The following PSD3 variants were observed in gnomAD, a reference collection of about 807,000 sequenced individuals.
PSD3 encodes the protein PH and SEC7 domain-containing protein 3.
A neutral mutation model predicts 105.5 loss-of-function variants in PSD3; 49 were observed. The ratio of observed to expected loss-of-function variants is 0.46; its 90% CI spans 0.37 to 0.59. PSD3 has a LOEUF of 0.59. Ranked by LOEUF, PSD3 falls within the 20% of genes least tolerant of loss-of-function variation. The pLI is 0.00. For synonymous variants in PSD3, 557 were observed against 457.8 expected, an observed-to-expected ratio of 1.22 and a Z score of -2.77; for missense variants, 1,561 against 1,263.8, an observed-to-expected ratio of 1.24 and a Z score of -3.57.
At chr8:18,903,703 C>T (rs1819657641) in intron 2 of PSD3, among the ~76,000 whole-genome samples, 2 of 152,190 alleles carry the variant, frequency 1.3e-5, no homozygotes, top group Admixed American at 1.3e-4. Context: ...CAGCTCAGGC[C>T]TGGGGGCCTT....
At chr8:18,632,848 A>G (rs764681673) in intron 10 of PSD3, 42 bp from the exon 11 acceptor site, 1 of 1,403,954 alleles carries the variant, frequency 7.1e-7, no homozygotes, top group East Asian at 2.4e-5. Flanking sequence ...AGCACCTATC[A>G]TAATATTCAA....
At chr8:19,002,264 A>C (rs1369396632) in intron 1 of PSD3, among the ~76,000 whole-genome samples, 1 of 152,002 alleles carries the variant, frequency 6.6e-6, no homozygotes, top group Non-Finnish European at 1.5e-5. Flanking sequence ...AAAGACCTCC[A>C]AGGAAGGAAG....
chr8:18,710,828 C>G (rs914717850), intron 9 of PSD3, among the ~76,000 whole-genome samples: 3 of 151,986 alleles, frequency 2.0e-5, no homozygotes, highest in Non-Finnish European at 2.9e-5. Context: ...ATTACAGGTG[C>G]CTGCCACCAC....
At chr8:18,704,375 T>A (rs1300624790) in intron 9 of PSD3, among the ~76,000 whole-genome samples, 2 of 152,204 alleles carry the variant, frequency 1.3e-5, no homozygotes, top group Non-Finnish European at 2.9e-5. Flanking sequence ...AGAGTCTCTG[T>A]CGCACAGGCT....
intron 4 of PSD3, among the ~76,000 whole-genome samples, chr8:18,840,446 G>C (rs1355054573): frequency 3.3e-5 from 5 of 152,232 alleles, no homozygotes; most frequent in Non-Finnish European, 5.9e-5. Flanking sequence ...TCTATCATGA[G>C]CTTTCATTTG....
intron 9 of PSD3, among the ~76,000 whole-genome samples, chr8:18,751,163 G>C (rs900342726): frequency 2.0e-5 from 3 of 152,178 alleles, no homozygotes; most frequent in Non-Finnish European, 2.9e-5. Flanking sequence ...GGCATGGCGG[G>C]CTGCAGGTCC....
chr8:18,539,332 T>C (rs1466686832), intron 15 of PSD3, among the ~76,000 whole-genome samples: 2 of 152,328 alleles, frequency 1.3e-5, no homozygotes, highest in Middle Eastern at 3.4e-3. Context: ...TCTCTCTTCA[T>C]TGATTTCGCC....
intron 4 of PSD3, among the ~76,000 whole-genome samples, chr8:18,808,263 A>AT (rs778914235): frequency 1.3e-5 from 2 of 152,100 alleles, no homozygotes; most frequent in Non-Finnish European, 2.9e-5. Context: ...CAAAGAAAGG[A>AT]TTTTCTTCTT....
intron 2 of PSD3, among the ~76,000 whole-genome samples, chr8:18,895,831 T>A (rs1055001595): frequency 5.3e-5 from 8 of 152,260 alleles, no homozygotes; most frequent in African/African-American, 1.9e-4. Flanking sequence ...CTTTCGGCTA[T>A]TTGAAAATAT....
At chr8:19,072,575 C>T (rs187774630) in intron 1 of PSD3, among the ~76,000 whole-genome samples, 1 of 152,242 alleles carries the variant, frequency 6.6e-6, no homozygotes, top group Non-Finnish European at 1.5e-5. Context: ...TAAGAAAAAT[C>T]ATTTCTATTC....
chr8:18,674,723 G>A (rs1799975449), intron 9 of PSD3, among the ~76,000 whole-genome samples: 1 of 152,146 alleles, frequency 6.6e-6, no homozygotes, highest in Admixed American at 6.5e-5. Context: ...AGAAAGAAGT[G>A]TGGCCAGATG....
intron 8 of PSD3, among the ~76,000 whole-genome samples, chr8:18,788,195 T>C (rs1809366978): frequency 6.6e-6 from 1 of 152,216 alleles, no homozygotes; most frequent in Non-Finnish European, 1.5e-5. Context: ...TTAGGCATCC[T>C]GATGTATTCT....
At chr8:19,031,301 A>T (rs757737256) in intron 1 of PSD3, among the ~76,000 whole-genome samples, 7 of 152,212 alleles carry the variant, frequency 4.6e-5, no homozygotes, top group Non-Finnish European at 1.0e-4. Flanking sequence ...TACCTAGCAC[A>T]AACTACACTC....
At chr8:18,573,950 A>C (rs117001345) in intron 13 of PSD3, among the ~76,000 whole-genome samples, 1 of 152,332 alleles carries the variant, frequency 6.6e-6, no homozygotes, top group Non-Finnish European at 1.5e-5. Context: ...TACGTAAAGC[A>C]TACCTCAATA....
At chr8:18,790,488 G>T (rs1208132386) in intron 8 of PSD3, among the ~76,000 whole-genome samples, 1 of 151,768 alleles carries the variant, frequency 6.6e-6, no homozygotes, top group Non-Finnish European at 1.5e-5. Flanking sequence ...ATTTTTAGTA[G>T]AGATGGGGTT....
At position 18,563,115 on chromosome 8, in the gene PSD3, C is replaced by CT. The variant is rs138090910; in HGVS notation, c.2785-6764dup. On this transcript the variant is annotated intron_variant, in intron 14 of 15. Coordinates refer to ENST00000327040, the MANE Select transcript of PSD3 (RefSeq NM_015310.4). Reference sequence around the variant, plus strand: ...GCTCTTAAAAAGGCAAAAAAGGTCACTTTTTTCCTTCCCTTAAATCCTCCA... The same window carrying CT: ...GCTCTTAAAAAGGCAAAAAAGGTCACTTTTTTTCCTTCCCTTAAATCCTCCA... 5.2e-4 allele frequency among the ~76,000 whole-genome samples: 79 copies of CT among 152,190 alleles called. 1 individual carries two copies. The highest frequency in any genetic ancestry group is 8.5e-4 in the Non-Finnish European group (58 of 67,984).
chr8:18,609,163 C>CA (rs35052124), intron 11 of PSD3, among the ~76,000 whole-genome samples: 50,159 of 151,804 alleles, frequency 0.33, 8,511 homozygotes, highest in Middle Eastern at 0.48. Flanking sequence ...TGTAAAATGA[C>CA]AAAAAAACCA....
chr8:18,755,324 G>A (rs1197216702), intron 9 of PSD3, among the ~76,000 whole-genome samples: 2 of 152,068 alleles, frequency 1.3e-5, no homozygotes, highest in African/African-American at 2.4e-5. Context: ...CAGCTACTTG[G>A]GAGGCTGAAG....
intron 9 of PSD3, among the ~76,000 whole-genome samples, chr8:18,705,154 ATTC>A (rs988569303): frequency 6.6e-6 from 1 of 152,186 alleles, no homozygotes; most frequent in African/African-American, 2.4e-5. Context: ...TGACTCAGTA[ATTC>A]TTAAGGAAAT....
Sources: allele counts gnomAD v4.1 joint callset (sites outside exome capture counted in the v4.1 genomes callset), GRCh38; gene constraint gnomAD v4.1.1; transcripts MANE v1.5; gene names NCBI Gene and HGNC (gene_info 2026-07-23, HGNC 2026-07-21).